ROR1: variants seen among roughly 807,000 people sequenced by gnomAD.
ROR1 encodes the protein ROR family WNT receptor 1, also known as inactive tyrosine-protein kinase transmembrane receptor ROR1.
ROR1 carries 19 observed loss-of-function variants against 78.8 expected under a neutral mutation model. The observed-to-expected ratio is 0.24, with a 90% CI of 0.17 to 0.35. The LOEUF (loss-of-function observed/expected upper bound fraction) is 0.35, where lower values mean the gene tolerates loss of function less well. ROR1 is among the 10% of genes least tolerant of loss of function. The pLI is 1.00. For synonymous variants in ROR1, 386 were observed against 433.6 expected, an observed-to-expected ratio of 0.89 and a Z score of 1.36; for missense variants, 917 against 1,177.8, an observed-to-expected ratio of 0.78 and a Z score of 3.24.
intron 7 of ROR1, among the ~76,000 whole-genome samples, chr1:64,150,623 T>A (rs1649594768): frequency 6.6e-6 from 1 of 152,224 alleles, no homozygotes; most frequent in Non-Finnish European, 1.5e-5. Flanking sequence ...TTACAGTGAA[T>A]TGGATGGTGG....
At chr1:63,986,338 A>G (rs192757227) in intron 1 of ROR1, among the ~76,000 whole-genome samples, 1 of 152,350 alleles carries the variant, frequency 6.6e-6, no homozygotes, top group East Asian at 1.9e-4. Flanking sequence ...AGATTGCAGT[A>G]GCATATAAAG....
chr1:64,080,337 C>A (rs1396906978), intron 4 of ROR1, among the ~76,000 whole-genome samples: 4 of 152,142 alleles, frequency 2.6e-5, no homozygotes, highest in African/African-American at 7.2e-5. Context: ...CCCTACAGCG[C>A]ACAGGACAGC....
chr1:64,030,047 A>G (rs952493242), intron 2 of ROR1, among the ~76,000 whole-genome samples: 27 of 152,056 alleles, frequency 1.8e-4, no homozygotes, highest in Non-Finnish European at 2.9e-5. Context: ...CTGTATTTTG[A>G]TTGAGCCCCT....
chr1:63,820,110 C>T (rs1644915157), intron 1 of ROR1, among the ~76,000 whole-genome samples: 2 of 152,166 alleles, frequency 1.3e-5, no homozygotes, highest in Non-Finnish European at 1.5e-5. Context: ...AGTAAAATGT[C>T]ATTGATAAGA....
chr1:64,088,396 G>C (rs1433684910), intron 4 of ROR1, among the ~76,000 whole-genome samples: 5 of 152,014 alleles, frequency 3.3e-5, no homozygotes, highest in Admixed American at 3.3e-4. Context: ...ACAAAACCAG[G>C]CAAATTCTAA....
At chr1:63,855,083 A>G (rs997303187) in intron 1 of ROR1, among the ~76,000 whole-genome samples, 6 of 152,096 alleles carry the variant, frequency 3.9e-5, no homozygotes, top group African/African-American at 7.2e-5. Context: ...AGGGCTGACT[A>G]TATATACTAA....
intron 4 of ROR1, chr1:64,106,166 G>T (rs1647796403): frequency 6.6e-6 from 1 of 151,014 alleles, no homozygotes; most frequent in African/African-American, 2.4e-5. Context: ...CCTTGAAAAG[G>T]TCCTTCACAT....
In ROR1 at chr1:63,946,785, G is replaced by A. The variant is rs148685012; in HGVS notation, c.92-62520G>A. On this transcript the variant is annotated intron_variant, in intron 1 of 8. Coordinates refer to ENST00000371079, the MANE Select transcript of ROR1 (RefSeq NM_005012.4). ...CACAGGTCATCCTTGCTTCCTCAAG[G>A]CATGTTGGATCCAAGACAGAAAAAC... is the stretch of plus-strand genomic sequence containing the variant. Among the ~76,000 whole-genome samples the A allele has an allele frequency of 1.1e-4, 17 of 152,218 alleles. No individual in the cohort carries two copies. In the East Asian group the frequency reaches 2.7e-3, roughly 24 times the overall value.
At chr1:64,040,475 G>C (rs1646737521) in intron 2 of ROR1, among the ~76,000 whole-genome samples, 1 of 152,230 alleles carries the variant, frequency 6.6e-6, no homozygotes, top group South Asian at 2.1e-4. Flanking sequence ...TTGAAAATTT[G>C]AGGTAAAATA....
intron 8 of ROR1, among the ~76,000 whole-genome samples, chr1:64,173,709 A>G (rs1276683736): frequency 6.6e-6 from 1 of 152,238 alleles, no homozygotes; most frequent in East Asian, 1.9e-4. Flanking sequence ...TGCTTACCTC[A>G]GTGGAGGGGA....
intron 1 of ROR1, among the ~76,000 whole-genome samples, chr1:63,856,964 T>C (rs1398258928): frequency 6.6e-6 from 1 of 152,170 alleles, no homozygotes. Context: ...TTCTTGCATT[T>C]TTTTTTACCC....
At chr1:64,006,370 G>A (rs1646427773) in intron 1 of ROR1, among the ~76,000 whole-genome samples, 1 of 152,126 alleles carries the variant, frequency 6.6e-6, no homozygotes, top group African/African-American at 2.4e-5. Context: ...AACCGCAGCA[G>A]TCCATACTAC....
intron 1 of ROR1, among the ~76,000 whole-genome samples, chr1:63,797,899 T>C (rs1293405868): frequency 6.6e-6 from 1 of 151,248 alleles, no homozygotes; most frequent in African/African-American, 2.4e-5. Flanking sequence ...CAGGATAACC[T>C]TTGAGAGGAC....
At chr1:64,057,580 G>A (rs1646885112) in intron 4 of ROR1, among the ~76,000 whole-genome samples, 1 of 152,158 alleles carries the variant, frequency 6.6e-6, no homozygotes, top group Non-Finnish European at 1.5e-5. Flanking sequence ...TTCTTCCTCA[G>A]AGATACCTCT....
At chr1:64,077,620 CA>C (rs1309878216) in intron 4 of ROR1, among the ~76,000 whole-genome samples, 4 of 152,252 alleles carry the variant, frequency 2.6e-5, no homozygotes, top group Non-Finnish European at 5.9e-5. Flanking sequence ...CCCTGGCCCA[CA>C]AAGGACAGAC....
chr1:63,875,340 G>GT (rs1453183085), intron 1 of ROR1, among the ~76,000 whole-genome samples: 1 of 152,160 alleles, frequency 6.6e-6, no homozygotes, highest in African/African-American at 2.4e-5. Context: ...AGTGCAGTTA[G>GT]TTTTTTCAGC....
intron 1 of ROR1, among the ~76,000 whole-genome samples, chr1:63,786,718 C>T (rs191280375): frequency 2.3e-4 from 35 of 152,038 alleles, no homozygotes; most frequent in Admixed American, 2.2e-3. Flanking sequence ...AGTTTCTTAG[C>T]CATCCCAGGA....
intron 1 of ROR1, among the ~76,000 whole-genome samples, chr1:63,979,166 C>T (rs1646187789): frequency 6.6e-6 from 1 of 152,048 alleles, no homozygotes; most frequent in East Asian, 1.9e-4. Flanking sequence ...AATGTTTGAC[C>T]ACATATCTGG....
intron 4 of ROR1, among the ~76,000 whole-genome samples, chr1:64,071,399 G>A (rs572779603): frequency 9.8e-5 from 15 of 152,290 alleles, no homozygotes; most frequent in Admixed American, 6.5e-4. Context: ...CGGGGTAGGT[G>A]AGTTGTAAAG....
Sources: gnomAD v4.1 joint callset for allele counts (sites outside exome capture counted in the v4.1 genomes callset) on GRCh38, gnomAD v4.1.1 for gene constraint, MANE v1.5 for transcripts, NCBI Gene and HGNC (gene_info 2026-07-23, HGNC 2026-07-21) for gene names.